SETD7: variants seen among roughly 807,000 people sequenced by gnomAD.
The protein encoded by SETD7 is SET domain containing 7, histone lysine methyltransferase.
SETD7 carries 16 observed loss-of-function variants against 41.8 expected under a neutral mutation model. The observed-to-expected ratio is 0.38, with a 90% CI of 0.26 to 0.58. The LOEUF is 0.58. Ranked by LOEUF, SETD7 falls within the 20% of genes least tolerant of loss-of-function variation. The probability of loss-of-function intolerance (pLI) is 0.64; values close to 1 mark genes in which losing one functional copy is unlikely to be tolerated. For synonymous variants in SETD7, 163 were observed against 169.7 expected (o/e 0.96, Z 0.31); for missense variants, 346 against 459.7 (o/e 0.75, Z 2.26).
chr4:139,494,951 A>G (rs1007069179), downstream of SETD7, among the ~76,000 whole-genome samples: 1 of 152,272 alleles, frequency 6.6e-6, no homozygotes, highest in Non-Finnish European at 1.5e-5. Flanking sequence ...ACAGTGTTTA[A>G]TCTTGTGAGA....
At chr4:139,540,256 T>C (rs1356510516) in intron 2 of SETD7, among the ~76,000 whole-genome samples, 1 of 152,180 alleles carries the variant, frequency 6.6e-6, no homozygotes, top group African/African-American at 2.4e-5. Flanking sequence ...TCTGAATTGA[T>C]TCCTCAGGAA....
chr4:139,517,215 C>T (rs746094916), intron 7 of SETD7, among the ~76,000 whole-genome samples: 7 of 152,146 alleles, frequency 4.6e-5, no homozygotes, highest in Non-Finnish European at 8.8e-5. Context: ...TGGCTCACGC[C>T]TGTAATCCCA....
intron 7 of SETD7, among the ~76,000 whole-genome samples, chr4:139,512,799 C>T (rs1187091369): frequency 1.6e-5 from 2 of 127,826 alleles, no homozygotes; most frequent in Non-Finnish European, 3.1e-5. Context: ...GCTCTGTTGC[C>T]CAGGCTGAAG....
At chr4:139,523,649 T>C (rs114693960) in intron 4 of SETD7, among the ~76,000 whole-genome samples, 2 of 152,232 alleles carry the variant, frequency 1.3e-5, no homozygotes, top group African/African-American at 4.8e-5. Context: ...ATCAGATGCA[T>C]CTCTTAACAT....
At chr4:139,522,710 A>C (rs1183551867) in intron 5 of SETD7, among the ~76,000 whole-genome samples, 2 of 148,382 alleles carry the variant, frequency 1.3e-5, no homozygotes, top group Non-Finnish European at 3.0e-5. Flanking sequence ...ATGCTCGGCC[A>C]GGACACAGCT....
At position 139,518,040 on chromosome 4, in the gene SETD7, A is replaced by C; in HGVS notation, c.765T>G (p.Val255=). 1 of 1,612,264 alleles carries C rather than the reference A, an allele frequency of 6.2e-7. No individual in the cohort carries two copies. ...CATTAAGGGCCCAGTCCCTGCTGTC[A>C]ACCTGCAGAAAACAAGAAAGCGAGC... is the stretch of plus-strand genomic sequence containing the variant. The part of the protein sequence containing the change: ...YNGVRITHQE[V]DSRDWALNGN... The change falls in exon 7 of 8, where the codon GTT becomes GTG. Residue 255 remains valine, a splice_region_variant and synonymous_variant. Transcript: ENST00000274031.
chr4:139,556,119 T>A lies in SETD7; in HGVS notation c.19A>T (p.Met7Leu), dbSNP rs1728273110. ...GTACCTTCCACCGCCTCCTCCACCATCTCGTCGTCGCTATCCATGGCGGCT... is the reference window on the plus strand; with the variant it reads ...GTACCTTCCACCGCCTCCTCCACCAACTCGTCGTCGCTATCCATGGCGGCT... MDSDDE[M>L]VEEAVEGHLD... is the part of the protein sequence containing the mutation. Residue 7 changes from methionine (M) to leucine (L), a missense_variant, in exon 1 of 8, where the codon ATG becomes TTG. Met to Leu is a conservative substitution (Grantham distance 15). Around this residue, in one of 3 missense-constraint regions of SETD7, gnomAD observed 266 missense variants for 377.0 expected, o/e 0.71. Transcript: ENST00000274031. 2 of 1,604,312 alleles carry A rather than the reference T, an allele frequency of 1.2e-6. No individual in the cohort carries two copies. The highest frequency in any genetic ancestry group is 8.5e-7 in the Non-Finnish European group (1 of 1,175,912).
At chr4:139,528,281 C>T (rs1727388285) in intron 4 of SETD7, among the ~76,000 whole-genome samples, 1 of 152,212 alleles carries the variant, frequency 6.6e-6, no homozygotes, top group African/African-American at 2.4e-5. Context: ...TTCACTCATA[C>T]ATTGTGCTCC....
rs1727075190 is a variant in SETD7, at chr4:139,517,957, T to C, written c.848A>G (p.His283Arg). Residue 283 changes from histidine (H) to arginine (R), a missense_variant, in exon 7 of 8, where the codon CAC (histidine) becomes CGC (arginine). Physicochemically the swap from His to Arg is conservative, Grantham distance 29. Transcript: ENST00000274031. ...TVIDVPEPYN[H>R]VSKYCASLGH... ...CAAGGAGGCACAGTACTTGGATACG[T>C]GGTTATAGGGCTCAGGCACATCAAT... is the stretch of plus-strand genomic sequence containing the variant. The C allele has an allele frequency of 6.2e-7, 1 of 1,613,934 alleles. No homozygotes were observed. Among genetic ancestry groups the C allele is most frequent in the South Asian group, 1.1e-5 (1 of 91,084 alleles).
intron 7 of SETD7, among the ~76,000 whole-genome samples, chr4:139,517,212 C>T (rs537158820): frequency 3.3e-5 from 5 of 152,238 alleles, no homozygotes; most frequent in Admixed American, 6.5e-5. Flanking sequence ...AGGTGGCTCA[C>T]GCCTGTAATC....
chr4:139,555,620 GC>G lies in SETD7; in HGVS notation c.40+477del, dbSNP rs1388501059. Among the ~76,000 whole-genome samples, 1 of 152,086 alleles carries G rather than the reference GC, an allele frequency of 6.6e-6. No homozygotes were observed. Among genetic ancestry groups the G allele is most frequent in the Non-Finnish European group, 1.5e-5 (1 of 67,984 alleles). ...GCGCCGGGGGACCTACCCGGACGGG[GC>G]CGCGGCCGCCGCGGGGCGCAGAGGC... On this transcript the variant is annotated intron_variant, in intron 1 of 7. Transcript: ENST00000274031. This position sits in a 1 kb window ranked among gnomAD's most constrained non-coding sequence, Gnocchi z 4.0.
At chr4:139,531,246 T>C (rs1345530047) in intron 3 of SETD7, among the ~76,000 whole-genome samples, 3 of 152,238 alleles carry the variant, frequency 2.0e-5, no homozygotes, top group Non-Finnish European at 4.4e-5. Flanking sequence ...GCAACCATGT[T>C]GAGCGACGCC....
intron 3 of SETD7, among the ~76,000 whole-genome samples, chr4:139,531,801 A>G (rs931556165): frequency 6.6e-6 from 1 of 152,196 alleles, no homozygotes; most frequent in African/African-American, 2.4e-5. Flanking sequence ...GAGTAAAAAT[A>G]TATTTTCAGC....
intron 5 of SETD7, among the ~76,000 whole-genome samples, chr4:139,521,087 A>C (rs1286871890): frequency 6.6e-6 from 1 of 152,216 alleles, no homozygotes; most frequent in Non-Finnish European, 1.5e-5. Context: ...TAAAATATTT[A>C]CTATGTGGCC....
exon 8 of SETD7, chr4:139,496,221 A>G (rs1025551066): frequency 3.8e-6 from 2 of 523,200 alleles, no homozygotes; most frequent in African/African-American, 3.9e-5. Context: ...CTCTGGCACA[A>G]CTTATTAGGT....
At chr4:139,544,204 A>G (rs1450464087) in intron 2 of SETD7, among the ~76,000 whole-genome samples, 1 of 151,816 alleles carries the variant, frequency 6.6e-6, no homozygotes, top group Non-Finnish European at 1.5e-5. Context: ...AGGTGGGAGG[A>G]TCACCCGAGT....
At chr4:139,504,975 C>G (rs546893112), downstream of SETD7, among the ~76,000 whole-genome samples, 1 of 152,034 alleles carries the variant, frequency 6.6e-6, no homozygotes, top group African/African-American at 2.4e-5. Flanking sequence ...GAGGGTGAAG[C>G]CTTGCCTGAA....
At chr4:139,498,037 A>G (rs1422956845) in intron 7 of SETD7, among the ~76,000 whole-genome samples, 1 of 152,220 alleles carries the variant, frequency 6.6e-6, no homozygotes, top group East Asian at 1.9e-4. Flanking sequence ...TTACGGTAAG[A>G]CCATCAGTAT....
chr4:139,529,959 A>G (rs556633020), intron 3 of SETD7, among the ~76,000 whole-genome samples: 10 of 152,178 alleles, frequency 6.6e-5, no homozygotes, highest in Non-Finnish European at 1.5e-4. Context: ...CAGCGCACTT[A>G]GCTTCATGCT....
Sources: allele counts gnomAD v4.1 joint callset (sites outside exome capture counted in the v4.1 genomes callset), GRCh38; gene constraint gnomAD v4.1.1; regional missense constraint gnomAD v4.1.1; non-coding constraint Gnocchi (gnomAD v3.1); transcripts MANE v1.5; gene names NCBI Gene and HGNC (gene_info 2026-07-23, HGNC 2026-07-21).